PLCG2: variants seen among roughly 807,000 people sequenced by gnomAD.
The protein encoded by PLCG2 is phospholipase C gamma 2.
Under a neutral mutation model 175.6 loss-of-function variants are expected in PLCG2, and 69 were observed. The ratio of observed to expected loss-of-function variants is 0.39; its 90% CI spans 0.32 to 0.48. PLCG2 has a LOEUF of 0.48. Ranked by LOEUF, PLCG2 falls within the 20% of genes least tolerant of loss-of-function variation. The pLI, the probability that PLCG2 is intolerant of heterozygous loss-of-function variation, is 0.91. For synonymous variants in PLCG2, 827 were observed against 624.0 expected, an observed-to-expected ratio of 1.33 and a Z score of -4.85; for missense variants, 1,798 against 1,650.9, an observed-to-expected ratio of 1.09 and a Z score of -1.54.
At chr16:81,873,521 G>A (rs1047503694) in intron 7 of PLCG2, among the ~76,000 whole-genome samples, 4 of 151,792 alleles carry the variant, frequency 2.6e-5, no homozygotes, top group Non-Finnish European at 4.4e-5. Context: ...AGAAAAGCTC[G>A]ATTTACTCAA....
intron 2 of PLCG2, among the ~76,000 whole-genome samples, chr16:81,792,390 A>G (rs1177455554): frequency 2.0e-5 from 3 of 146,516 alleles, no homozygotes; most frequent in South Asian, 2.3e-4. Context: ...GCTGAGGCAC[A>G]GAATTGCTTG....
chr16:81,934,142 G>A (rs887612027), intron 25 of PLCG2, among the ~76,000 whole-genome samples: 3 of 152,136 alleles, frequency 2.0e-5, no homozygotes, highest in Non-Finnish European at 2.9e-5. Flanking sequence ...GAGGGGTGGT[G>A]ACAGAGAAGA....
intron 1 of PLCG2, among the ~76,000 whole-genome samples, chr16:81,785,496 A>T (rs1400614609): frequency 6.1e-5 from 9 of 147,538 alleles, no homozygotes; most frequent in Non-Finnish European, 6.0e-5. Flanking sequence ...CGTTTATTTC[A>T]TTTTTTTTTT....
chr16:81,842,328 G>A (rs1327712315), intron 2 of PLCG2, among the ~76,000 whole-genome samples: 2 of 152,214 alleles, frequency 1.3e-5, no homozygotes, highest in African/African-American at 4.8e-5. Context: ...TCCTGATGTG[G>A]ATGGAGATGT....
intron 2 of PLCG2, among the ~76,000 whole-genome samples, chr16:81,765,651 A>G (rs1597306954): frequency 6.6e-6 from 1 of 152,240 alleles, no homozygotes; most frequent in African/African-American, 2.4e-5. Flanking sequence ...TAAATAATAA[A>G]GAAGAAACCA....
At chr16:81,877,467 C>A (rs1165067240) in intron 7 of PLCG2, among the ~76,000 whole-genome samples, 1 of 152,204 alleles carries the variant, frequency 6.6e-6, no homozygotes, top group Non-Finnish European at 1.5e-5. Flanking sequence ...ACAAACAAAA[C>A]AACAAAACAC....
rs1205926030 is a variant in PLCG2 at position 81,779,352 on chromosome 16, C to A, written c.-120C>A. ...GCGCTGAGTGACCCGAGTCGGGACG[C>A]GGGCTGCGCGCGCGGGACCCCGGAG... On this transcript the variant is annotated 5_prime_UTR_variant, in exon 1 of 33. Transcript: ENST00000564138. 1 of 150,846 alleles carries A rather than the reference C, an allele frequency of 6.6e-6. No individual in the cohort carries two copies. Among genetic ancestry groups the A allele is most frequent in the East Asian group, 2.0e-4 (1 of 5,102 alleles). The allele number at this position is 150,846 out of a possible 1,614,324, so 9.3% of individuals were successfully genotyped here.
chr16:81,749,251 T>C (rs1909760528), intron 1 of PLCG2, among the ~76,000 whole-genome samples: 3 of 152,238 alleles, frequency 2.0e-5, no homozygotes, highest in African/African-American at 7.2e-5. Context: ...AACATCTCTA[T>C]AATCCCTGAA....
chr16:81,770,104 C>T (rs2143107548), intron 2 of PLCG2, among the ~76,000 whole-genome samples: 1 of 152,264 alleles, frequency 6.6e-6, no homozygotes, highest in Middle Eastern at 3.4e-3. Flanking sequence ...CCTTCGCTAA[C>T]TGCCTTATAT....
chr16:81,903,347 C>G (rs539979126), intron 14 of PLCG2, among the ~76,000 whole-genome samples: 2 of 152,190 alleles, frequency 1.3e-5, no homozygotes, highest in Non-Finnish European at 2.9e-5. Flanking sequence ...AAACACCAAA[C>G]AGTGCAAGGA....
intron 2 of PLCG2, among the ~76,000 whole-genome samples, chr16:81,831,100 A>T (rs1567487301): frequency 6.6e-6 from 1 of 152,106 alleles, no homozygotes; most frequent in South Asian, 2.1e-4. Context: ...CTCCCTGATA[A>T]CACCTTCTAT....
intron 2 of PLCG2, among the ~76,000 whole-genome samples, chr16:81,762,307 G>A (rs1041767786): frequency 1.3e-4 from 20 of 152,124 alleles, no homozygotes; most frequent in Non-Finnish European, 2.5e-4. Context: ...GGTGGCTCAC[G>A]CCTGTAATCC....
intron 1 of PLCG2, among the ~76,000 whole-genome samples, chr16:81,745,881 A>G (rs745374845): frequency 3.3e-5 from 5 of 152,204 alleles, no homozygotes; most frequent in Non-Finnish European, 7.3e-5. Context: ...CAGCGGCCAG[A>G]CGTTATTCCT....
Position 81,961,587 on chromosome 16 carries a change from A to T in PLCG2, c.*3589A>T, listed in dbSNP as rs1016270617. The T allele has an allele frequency of 4.6e-6, 1 of 216,000 alleles. No homozygotes were observed. The highest frequency in any genetic ancestry group is 2.3e-5 in the African/African-American group (1 of 44,442). The allele number at this position is 216,000 out of a possible 1,614,324, so 13.4% of individuals were successfully genotyped here. A position where few individuals can be genotyped will look rare whatever the true frequency, so the allele number is the denominator to read the frequency against. On this transcript the variant is annotated 3_prime_UTR_variant, in exon 33 of 33. Transcript: ENST00000564138. Reference sequence around the variant, plus strand: ...AAATTTTGAGGGAGAAGTGGTATGAAAATACAAATTCAAGGAGTAAAAGGA... The same window carrying T: ...AAATTTTGAGGGAGAAGTGGTATGATAATACAAATTCAAGGAGTAAAAGGA...
chr16:81,876,698 C>A (rs936124702), intron 7 of PLCG2, among the ~76,000 whole-genome samples: 3 of 152,238 alleles, frequency 2.0e-5, no homozygotes, highest in Non-Finnish European at 4.4e-5. Context: ...TTTCTCCTGA[C>A]CTCACTGGCC....
chr16:81,793,853 C>G (rs985987124), intron 2 of PLCG2, among the ~76,000 whole-genome samples: 3 of 152,140 alleles, frequency 2.0e-5, no homozygotes, highest in African/African-American at 7.2e-5. Context: ...ATGACATGCC[C>G]AAGTTAAGGA....
chr16:81,908,103 A>G (rs1909456775), intron 16 of PLCG2, among the ~76,000 whole-genome samples: 1 of 152,104 alleles, frequency 6.6e-6, no homozygotes, highest in African/African-American at 2.4e-5. Context: ...CCCGCTGTTT[A>G]TTTCTGCAGC....
intron 5 of PLCG2, among the ~76,000 whole-genome samples, chr16:81,865,386 G>C (rs1760420096): frequency 6.6e-6 from 1 of 152,112 alleles, no homozygotes; most frequent in Admixed American, 6.5e-5. Context: ...AGTGAGGGAG[G>C]GGCTCGCCTA....
At chr16:81,925,208 C>A (rs930437543) in intron 22 of PLCG2, among the ~76,000 whole-genome samples, 2 of 152,180 alleles carry the variant, frequency 1.3e-5, no homozygotes, top group African/African-American at 2.4e-5. Flanking sequence ...AACCGCCCAG[C>A]GGCTGTGGTC....
Sources: gnomAD v4.1 joint callset for allele counts (sites outside exome capture counted in the v4.1 genomes callset) on GRCh38, gnomAD v4.1.1 for gene constraint, MANE v1.5 for transcripts, NCBI Gene and HGNC (gene_info 2026-07-23, HGNC 2026-07-21) for gene names.